The following ZNF18 variants were observed in gnomAD, a reference collection of about 807,000 sequenced individuals.
ZNF18 encodes heart development-specific gene 1 protein.
ZNF18 carries 42 observed loss-of-function variants against 58.1 expected under a neutral mutation model. The observed-to-expected ratio is 0.72, with a 90% CI of 0.56 to 0.93. The LOEUF (loss-of-function observed/expected upper bound fraction) is 0.93. Ranked by LOEUF, ZNF18 falls within the 40% of genes least tolerant of loss-of-function variation. The pLI, the probability that ZNF18 is intolerant of heterozygous loss-of-function variation, is 0.00. For missense variants in ZNF18, 540 were observed against 644.2 expected (o/e 0.84, Z 1.75); for synonymous variants, 231 against 239.8 (o/e 0.96, Z 0.34).
the ZNF18 span, chr17:12,020,873 C>T: frequency 1.5e-5 from 17 of 1,161,720 alleles, no homozygotes; most frequent in Admixed American, 8.8e-5. Context: ...CCGCTCGGCT[C>T]TTCACTCCCA....
chr17:11,990,638 A>C, intron 3 of ZNF18, 88 bp from the exon 4 acceptor site: 1 of 1,043,570 alleles, frequency 9.6e-7, no homozygotes, highest in Non-Finnish European at 1.4e-6. Context: ...CACAAATCAG[A>C]ACAATACCTG....
intron 3 of ZNF18, 95 bp from the exon 4 acceptor site, chr17:11,990,645 C>T (rs1968058578): frequency 1.0e-6 from 1 of 952,994 alleles, no homozygotes; most frequent in South Asian, 1.5e-5. Context: ...CAGAACAATA[C>T]CTGAACAATA....
At position 11,977,907 on chromosome 17, in the gene ZNF18, T is replaced by C; in HGVS notation, c.*50A>G. 2 of 1,520,654 alleles carry C rather than the reference T, an allele frequency of 1.3e-6. No homozygotes were observed. The highest frequency in any genetic ancestry group is 1.3e-5 in the South Asian group (1 of 74,558). 94.2% of individuals were successfully genotyped at this position (1,520,654 alleles called of 1,614,324 possible). On this transcript the variant is annotated 3_prime_UTR_variant, in exon 7 of 7. Coordinates refer to ENST00000580306, the MANE Select transcript of ZNF18 (RefSeq NM_001303281.2). ...TTCCTCTTGATGGAGCTGAGTATTT[T>C]TGTGACTGGGCTGGGAGATAGAAAT... is the stretch of plus-strand genomic sequence containing the variant.
chr17:11,984,044 T>G, intron 5 of ZNF18, 69 bp downstream of exon 5: 2 of 1,429,188 alleles, frequency 1.4e-6, no homozygotes, highest in Non-Finnish European at 9.7e-7. Flanking sequence ...TCTCTATAAG[T>G]GCATGGAAAA....
chr17:12,018,107 T>C, the ZNF18 span, among the ~76,000 whole-genome samples: 1 of 152,230 alleles, frequency 6.6e-6, no homozygotes, highest in Non-Finnish European at 1.5e-5. Context: ...AATCACTACA[T>C]GGCAGAGCCA....
the ZNF18 span, among the ~76,000 whole-genome samples, chr17:12,014,398 A>G: frequency 6.6e-6 from 1 of 152,250 alleles, no homozygotes; most frequent in African/African-American, 2.4e-5. Flanking sequence ...GTCCATCAAT[A>G]GACAAATGGA....
upstream of ZNF18, among the ~76,000 whole-genome samples, chr17:12,001,242 AG>A (rs1968650675): frequency 2.6e-5 from 4 of 152,190 alleles, 1 homozygote; most frequent in South Asian, 8.3e-4. Context: ...GGGAATAGAG[AG>A]GTGTTGATCA....
At chr17:11,982,694 G>GTGTGTGTGTGTC (rs1967447640) in intron 6 of ZNF18, among the ~76,000 whole-genome samples, 1 of 148,916 alleles carries the variant, frequency 6.7e-6, no homozygotes, top group Non-Finnish European at 1.5e-5. Flanking sequence ...GTGTGTGTGT[G>GTGTGTGTGTGTC]TGTGTAGGTT....
At chr17:12,021,017 G>C in the ZNF18 span, 2 of 1,196,736 alleles carry the variant, frequency 1.7e-6, no homozygotes, top group Non-Finnish European at 2.1e-6. Context: ...GAACGCGGCC[G>C]CGCCGAGATC....
At chr17:11,999,031 C>T (rs1407716165), upstream of ZNF18, among the ~76,000 whole-genome samples, 2 of 152,072 alleles carry the variant, frequency 1.3e-5, no homozygotes, top group East Asian at 1.9e-4. Flanking sequence ...CTGAGGACAG[C>T]ATGGCTAACA....
chr17:11,977,452 G>A lies in ZNF18; in HGVS notation c.*505C>T, dbSNP rs1252068938. The A allele has an allele frequency of 1.3e-5, 2 of 153,560 alleles. No homozygotes were observed. The highest frequency in any genetic ancestry group is 4.8e-5 in the African/African-American group (2 of 41,468). 9.5% of individuals were successfully genotyped at this position (153,560 alleles called of 1,614,324 possible). A position where few individuals can be genotyped will look rare whatever the true frequency, so the allele number is the denominator to read the frequency against. ...TGAACAAACAAATAAGATAGAAAGT[G>A]ACTCTGCTAAGTTTATTTCAAACAA... On this transcript the variant is annotated 3_prime_UTR_variant, in exon 7 of 7. Coordinates refer to ENST00000580306, the MANE Select transcript of ZNF18 (RefSeq NM_001303281.2).
At chr17:11,987,820 A>C (rs1225115009) in intron 4 of ZNF18, among the ~76,000 whole-genome samples, 1 of 152,138 alleles carries the variant, frequency 6.6e-6, no homozygotes, top group Non-Finnish European at 1.5e-5. Context: ...ATTCACTAAA[A>C]AGATATTTCT....
intron 3 of ZNF18, 59 bp from the exon 4 acceptor site, chr17:11,990,609 G>A (rs1159725675): frequency 4.4e-6 from 6 of 1,368,504 alleles, no homozygotes; most frequent in African/African-American, 1.4e-5. Flanking sequence ...ACTCCCCAGA[G>A]GGCGCAGATA....
chr17:11,982,626 C>G (rs994552267), intron 6 of ZNF18, among the ~76,000 whole-genome samples: 1 of 150,672 alleles, frequency 6.6e-6, no homozygotes, highest in Non-Finnish European at 1.5e-5. Context: ...TCTTCTTCCT[C>G]TAAGGTTCTG....
At chr17:11,986,879 C>T (rs1332106547) in intron 4 of ZNF18, among the ~76,000 whole-genome samples, 2 of 152,138 alleles carry the variant, frequency 1.3e-5, no homozygotes, top group Admixed American at 6.6e-5. Context: ...GCCACCAAAA[C>T]CCCCAAGGGT....
the ZNF18 span, among the ~76,000 whole-genome samples, chr17:12,015,096 A>C: frequency 2.0e-5 from 3 of 152,320 alleles, no homozygotes; most frequent in African/African-American, 7.2e-5. Context: ...AAGTAGGTGA[A>C]TTATATGGTA....
At chr17:12,020,933 G>T in the ZNF18 span, 2 of 1,216,710 alleles carry the variant, frequency 1.6e-6, no homozygotes, top group Non-Finnish European at 2.0e-6. Context: ...GGGGGCGGCA[G>T]CGGCAGCGGC....
At chr17:11,986,429 G>A (rs1439775465) in intron 4 of ZNF18, among the ~76,000 whole-genome samples, 1 of 152,184 alleles carries the variant, frequency 6.6e-6, no homozygotes, top group African/African-American at 2.4e-5. Flanking sequence ...TCAATTAGCA[G>A]GTGCTAAGCC....
At chr17:11,995,122 C>T (rs12943132) in intron 1 of ZNF18, among the ~76,000 whole-genome samples, 5,227 of 152,054 alleles carry the variant, frequency 0.034, 129 homozygotes, top group Non-Finnish European at 0.052. Context: ...TAAAAAGAAA[C>T]CCAGGTCTGA....
Sources: allele counts gnomAD v4.1 joint callset (sites outside exome capture counted in the v4.1 genomes callset), GRCh38; gene constraint gnomAD v4.1.1; transcripts MANE v1.5; gene names NCBI Gene and HGNC (gene_info 2026-07-23, HGNC 2026-07-21).